Variants in INSL6 observed in about 807,000 individuals in gnomAD.
The protein encoded by INSL6 is insulin-like peptide INSL6.
A neutral mutation model predicts 9.4 loss-of-function variants in INSL6; 16 were observed. That is an observed-to-expected ratio of 1.70 (90% confidence interval 1.15 to 2.59). INSL6 has a LOEUF of 2.59. INSL6 is among the 30% of genes most tolerant of loss of function. INSL6 has a pLI of 0.00. For missense variants in INSL6, 391 were observed against 257.3 expected (o/e 1.52, Z -3.56); for synonymous variants, 154 against 96.9 (o/e 1.59, Z -3.46).
chr9:5,090,437 T>C, the INSL6 span: 10 of 1,524,696 alleles, frequency 6.6e-6, no homozygotes, highest in African/African-American at 8.3e-5. Flanking sequence ...TCCACCTTTA[T>C]GTTAAAAGGT....
chr9:5,024,264 A>AT, the INSL6 span, among the ~76,000 whole-genome samples: 3 of 151,306 alleles, frequency 2.0e-5, no homozygotes, highest in Admixed American at 2.0e-4. Context: ...TCAAAAAAAA[A>AT]TTTTTTTTTG....
chr9:5,147,903 T>A (rs926798504), intron 2 of INSL6, among the ~76,000 whole-genome samples: 2 of 152,172 alleles, frequency 1.3e-5, no homozygotes, highest in Non-Finnish European at 2.9e-5. Flanking sequence ...TCAGTTTGAG[T>A]CTTTCTTAAA....
At chr9:4,996,395 C>T in the INSL6 span, among the ~76,000 whole-genome samples, 5 of 151,982 alleles carry the variant, frequency 3.3e-5, no homozygotes, top group East Asian at 7.7e-4. Flanking sequence ...TTGCAGTGAG[C>T]TGAGATCGTG....
At chr9:5,109,747 A>G in the INSL6 span, 1 of 152,186 alleles carries the variant, frequency 6.6e-6, no homozygotes, top group Admixed American at 6.5e-5. Context: ...CATAATATTT[A>G]TTCTAGTAGC....
chr9:5,103,070 G>A, the INSL6 span, among the ~76,000 whole-genome samples: 56 of 151,838 alleles, frequency 3.7e-4, no homozygotes, highest in African/African-American at 1.3e-3. Context: ...TAAATGGGAT[G>A]AATGCCCCAA....
intron 2 of INSL6, among the ~76,000 whole-genome samples, chr9:5,146,511 G>C (rs1277538516): frequency 6.6e-6 from 1 of 152,216 alleles, no homozygotes; most frequent in Admixed American, 6.5e-5. Flanking sequence ...ACAGGTGTGG[G>C]TGGCCTTCTC....
chr9:5,128,030 T>C (rs774837906), intron 3 of INSL6: 1 of 232,394 alleles, frequency 4.3e-6, no homozygotes, highest in Non-Finnish European at 8.5e-6. Flanking sequence ...TCATTTGTTA[T>C]AGTGCTACTC....
chr9:5,165,037 G>A (rs1052345056), intron 1 of INSL6, among the ~76,000 whole-genome samples: 2 of 152,166 alleles, frequency 1.3e-5, no homozygotes, highest in African/African-American at 4.8e-5. Context: ...GCGAAACCCT[G>A]TCTCTACTAA....
At chr9:5,021,158 A>T in the INSL6 span, among the ~76,000 whole-genome samples, 2 of 152,084 alleles carry the variant, frequency 1.3e-5, no homozygotes, top group Non-Finnish European at 2.9e-5. Flanking sequence ...ATCCTGGCTG[A>T]GCAGGCTGCC....
the INSL6 span, among the ~76,000 whole-genome samples, chr9:5,051,900 C>G: frequency 6.6e-6 from 1 of 151,784 alleles, no homozygotes; most frequent in Non-Finnish European, 1.5e-5. Context: ...AGGTCTTAAC[C>G]TAAGGGTGTA....
intron 2 of INSL6, among the ~76,000 whole-genome samples, chr9:5,153,123 G>A (rs1006345396): frequency 2.0e-5 from 3 of 151,326 alleles, no homozygotes; most frequent in African/African-American, 7.3e-5. Flanking sequence ...TGTTTGGGCA[G>A]ACACTGAGCT....
chr9:5,044,285 G>C, the INSL6 span: 3 of 673,418 alleles, frequency 4.5e-6, no homozygotes, highest in South Asian at 5.2e-5. Context: ...AATACTGTTA[G>C]CTGTGTTTTC....
the INSL6 span, among the ~76,000 whole-genome samples, chr9:5,027,581 C>T: frequency 3.9e-5 from 6 of 152,194 alleles, no homozygotes; most frequent in African/African-American, 1.2e-4. Flanking sequence ...CTCTTCCTTT[C>T]GTGAAAGATG....
intron 3 of INSL6, among the ~76,000 whole-genome samples, chr9:5,130,089 TTTAAAAGTTGTTAATGATCATTATCTA>T: frequency 6.6e-6 from 1 of 152,228 alleles, no homozygotes; most frequent in African/African-American, 2.4e-5. Flanking sequence ...CTACTACGGT[TTTAAAAGTTGTTAATGATCATTATCTA>T]TTATAAGGCC....
chr9:5,129,466 T>TTATTTCTCATGAAAGTTTCTCTAA (rs1465870931), intron 3 of INSL6, among the ~76,000 whole-genome samples: 2 of 152,130 alleles, frequency 1.3e-5, no homozygotes, highest in African/African-American at 4.8e-5. Context: ...TGTACTGAAA[T>TTATTTCTCATGAAAGTTTCTCTAA]TATTTCTCAT....
the INSL6 span, among the ~76,000 whole-genome samples, chr9:5,062,500 T>TAAAAAAAAAAAAAAAAAAAAA: frequency 3.1e-4 from 18 of 58,246 alleles, 3 homozygotes; most frequent in African/African-American, 1.9e-3. Flanking sequence ...CTTCCATTTG[T>TAAAAAAAAAAAAAAAAAAAAA]AAAAAAAAAA....
At chr9:5,018,215 T>C in the INSL6 span, among the ~76,000 whole-genome samples, 1 of 152,238 alleles carries the variant, frequency 6.6e-6, no homozygotes, top group Non-Finnish European at 1.5e-5. Context: ...GTTTGTTGGT[T>C]TTCTATAGTG....
the INSL6 span, among the ~76,000 whole-genome samples, chr9:5,025,367 A>T: frequency 6.6e-6 from 1 of 152,042 alleles, no homozygotes; most frequent in Non-Finnish European, 1.5e-5. Flanking sequence ...CTTAAGATGG[A>T]ATTGTCTTTC....
At chr9:5,121,249 TA>T (rs1373044769), downstream of INSL6, among the ~76,000 whole-genome samples, 2 of 152,204 alleles carry the variant, frequency 1.3e-5, no homozygotes, top group Non-Finnish European at 2.9e-5. Flanking sequence ...AGCAGTCCCC[TA>T]AGAGATTTGC....
Sources: gnomAD v4.1 joint callset for allele counts (sites outside exome capture counted in the v4.1 genomes callset) on GRCh38, gnomAD v4.1.1 for gene constraint, MANE v1.5 for transcripts, NCBI Gene and HGNC (gene_info 2026-07-23, HGNC 2026-07-21) for gene names.